NR5A2: variants seen among roughly 807,000 people sequenced by gnomAD.
The protein encoded by NR5A2 is CYP7A promoter-binding factor.
NR5A2 carries 26 observed loss-of-function variants against 62.7 expected under a neutral mutation model. The observed-to-expected ratio is 0.41, with a 90% CI of 0.30 to 0.58. NR5A2 has a LOEUF of 0.58. NR5A2 is among the 20% of genes least tolerant of loss of function. NR5A2 has a pLI of 0.22. For missense variants in NR5A2, 541 were observed against 669.1 expected (o/e 0.81, Z 2.11); for synonymous variants, 246 against 241.7 (o/e 1.02, Z -0.16).
rs1663733700 is a variant in NR5A2, at chr1:200,071,423, A to C, written c.1110+22605A>C. On this transcript the variant is annotated intron_variant, in intron 5 of 7. Coordinates refer to ENST00000367362, the MANE Select transcript of NR5A2 (RefSeq NM_205860.3). ...ATGTAGCATCAACTTTATCGAAACAAAACCCTAGGTAAAAACACATTGAAA... is the reference window on the plus strand; with the variant it reads ...ATGTAGCATCAACTTTATCGAAACACAACCCTAGGTAAAAACACATTGAAA... Among the ~76,000 whole-genome samples, 4 of 152,342 alleles carry C rather than the reference A, an allele frequency of 2.6e-5. No homozygotes were observed. The South Asian group carries it at 8.3e-4, about 32-fold the overall frequency.
chr1:200,060,407 C>G (rs532236170), intron 5 of NR5A2, among the ~76,000 whole-genome samples: 1 of 152,250 alleles, frequency 6.6e-6, no homozygotes, highest in South Asian at 2.1e-4. Flanking sequence ...TCTATCTGTC[C>G]TTCCACTGTA....
At chr1:200,128,167 G>A (rs951678839) in intron 7 of NR5A2, among the ~76,000 whole-genome samples, 1 of 152,040 alleles carries the variant, frequency 6.6e-6, no homozygotes, top group Non-Finnish European at 1.5e-5. Flanking sequence ...TCCCGCAGTC[G>A]GCCCTGCAGA....
chr1:200,052,392 C>T (rs1662678024), intron 5 of NR5A2, among the ~76,000 whole-genome samples: 1 of 152,150 alleles, frequency 6.6e-6, no homozygotes, highest in Non-Finnish European at 1.5e-5. Context: ...CACTCTGCTG[C>T]CCAGGCTAGT....
intron 1 of NR5A2, among the ~76,000 whole-genome samples, chr1:200,030,356 A>G (rs2102130916): frequency 6.6e-6 from 1 of 152,360 alleles, no homozygotes; most frequent in East Asian, 1.9e-4. Context: ...TGGTTACATG[A>G]AAGTTTTGTA....
At chr1:200,084,887 A>G (rs1664453740) in intron 5 of NR5A2, among the ~76,000 whole-genome samples, 2 of 152,234 alleles carry the variant, frequency 1.3e-5, no homozygotes, top group Admixed American at 6.5e-5. Flanking sequence ...CAGCCACTAA[A>G]TAATGCTATG....
chr1:200,058,804 T>TG (rs1230474482), intron 5 of NR5A2, among the ~76,000 whole-genome samples: 16 of 150,012 alleles, frequency 1.1e-4, no homozygotes, highest in African/African-American at 3.9e-4. Context: ...TTTTTGTTTT[T>TG]TTTTTTCATA....
chr1:200,129,722 T>A (rs1053469962), intron 7 of NR5A2, among the ~76,000 whole-genome samples: 3 of 151,880 alleles, frequency 2.0e-5, no homozygotes, highest in Admixed American at 2.0e-4. Context: ...TGTGACATTG[T>A]GGTGTAAATC....
rs78268407 is a variant in NR5A2, at chr1:200,097,069, T to C, written c.1111-14133T>C. Among the ~76,000 whole-genome samples, 1,497 of 152,322 alleles carry C rather than the reference T, an allele frequency of 9.8e-3. 13 individuals are homozygous for C. Among genetic ancestry groups the C allele is most frequent in the Non-Finnish European group, 0.014 (941 of 68,028 alleles). On this transcript the variant is annotated intron_variant, in intron 5 of 7. Coordinates refer to ENST00000367362, the MANE Select transcript of NR5A2 (RefSeq NM_205860.3). Reference sequence around the variant, plus strand: ...AATACCTCTAGAAACACAATTCTTCTTTCTCTGAAAAATGCTTTCCCTCAA... The same window carrying C: ...AATACCTCTAGAAACACAATTCTTCCTTCTCTGAAAAATGCTTTCCCTCAA...
rs1251536574 is a variant in NR5A2 at position 200,048,927 on chromosome 1, C to A, written c.1110+109C>A. 2 of 1,352,148 alleles carry A rather than the reference C, an allele frequency of 1.5e-6. No individual in the cohort carries two copies. Among genetic ancestry groups the A allele is most frequent in the Non-Finnish European group, 2.0e-6 (2 of 984,434 alleles). 83.8% of individuals were successfully genotyped at this position (1,352,148 alleles called of 1,614,324 possible). ...AAAATATGTGTTCCTTAATTTTCTA[C>A]TTTGTATGATTTACAGAGTAGACGT... On this transcript the variant is annotated intron_variant, in intron 5 of 7. Transcript: ENST00000367362. This position sits in a 1 kb window ranked among gnomAD's most constrained non-coding sequence, Gnocchi z 4.8.
chr1:200,104,362 T>A (rs1665544491), intron 5 of NR5A2, among the ~76,000 whole-genome samples: 1 of 152,194 alleles, frequency 6.6e-6, no homozygotes, highest in African/African-American at 2.4e-5. Flanking sequence ...TTATAGAGGT[T>A]GCAGATAATC....
chr1:200,082,551 G>A (rs1054875987), intron 5 of NR5A2, among the ~76,000 whole-genome samples: 10 of 151,962 alleles, frequency 6.6e-5, no homozygotes, highest in African/African-American at 2.4e-4. Flanking sequence ...ACTAATGTAG[G>A]GTCAATAGGA....
intron 5 of NR5A2, among the ~76,000 whole-genome samples, chr1:200,084,901 G>A (rs866319691): frequency 3.3e-5 from 5 of 152,274 alleles, no homozygotes; most frequent in Middle Eastern, 3.4e-3. Flanking sequence ...TGCTATGGTC[G>A]AATACTGCTA....
chr1:200,074,606 G>A (rs1411048792), intron 5 of NR5A2, among the ~76,000 whole-genome samples: 15 of 150,886 alleles, frequency 9.9e-5, no homozygotes, highest in Middle Eastern at 3.2e-3. Context: ...GTTTGGTGGC[G>A]GGTGCCTGTA....
intron 6 of NR5A2, among the ~76,000 whole-genome samples, chr1:200,115,752 G>A (rs1283661294): frequency 1.3e-5 from 2 of 152,008 alleles, no homozygotes; most frequent in African/African-American, 4.8e-5. Context: ...AAATTTCAGA[G>A]GAGGAAGTGC....
chr1:200,119,988 T>C (rs1666410809), intron 6 of NR5A2, among the ~76,000 whole-genome samples: 1 of 152,136 alleles, frequency 6.6e-6, no homozygotes, highest in Non-Finnish European at 1.5e-5. Flanking sequence ...TTCTCCTAAA[T>C]AAAGTTATTG....
intron 7 of NR5A2, among the ~76,000 whole-genome samples, chr1:200,130,665 G>A (rs557831996): frequency 2.9e-4 from 44 of 152,306 alleles, no homozygotes; most frequent in Non-Finnish European, 5.3e-4. Flanking sequence ...CTGCATAAAA[G>A]TTGGTTTTGA....
At chr1:200,044,475 T>A (rs962834984) in intron 3 of NR5A2, 2 of 152,068 alleles carry the variant, frequency 1.3e-5, no homozygotes, top group Non-Finnish European at 2.9e-5. Flanking sequence ...AGTGCATGGA[T>A]TTTAATATGT....
intron 5 of NR5A2, among the ~76,000 whole-genome samples, chr1:200,082,753 T>A (rs1664352997): frequency 6.6e-6 from 1 of 152,202 alleles, no homozygotes; most frequent in African/African-American, 2.4e-5. Flanking sequence ...TCTGAATAAT[T>A]GATTAGTCCA....
chr1:200,152,197 A>G (rs1425778875), intron 7 of NR5A2, among the ~76,000 whole-genome samples: 1 of 152,236 alleles, frequency 6.6e-6, no homozygotes, highest in Non-Finnish European at 1.5e-5. Flanking sequence ...TTTGGGCAAC[A>G]TAAAGAGATT....
Sources: allele counts gnomAD v4.1 joint callset (sites outside exome capture counted in the v4.1 genomes callset), GRCh38; gene constraint gnomAD v4.1.1; non-coding constraint Gnocchi (gnomAD v3.1); transcripts MANE v1.5; gene names NCBI Gene and HGNC (gene_info 2026-07-23, HGNC 2026-07-21).